Variants in INTS13 observed in about 807,000 individuals in gnomAD.
The protein encoded by INTS13 is integrator complex subunit 13, also known as asunder, spermatogenesis regulator homolog (Drosphila).
INTS13 carries 35 observed loss-of-function variants against 90.2 expected under a neutral mutation model. The ratio of observed to expected loss-of-function variants is 0.39; its 90% CI spans 0.30 to 0.51. INTS13 has a LOEUF of 0.51. INTS13 is among the 20% of genes least tolerant of loss of function. INTS13 has a pLI of 0.80. For synonymous variants in INTS13, 309 were observed against 277.1 expected, an observed-to-expected ratio of 1.11 and a Z score of -1.14; for missense variants, 601 against 851.2, an observed-to-expected ratio of 0.71 and a Z score of 3.66.
At chr12:26,908,077 C>T (rs2137394236) in intron 15 of INTS13, among the ~76,000 whole-genome samples, 1 of 152,236 alleles carries the variant, frequency 6.6e-6, no homozygotes, top group African/African-American at 2.4e-5. Context: ...AAAAGCCAAT[C>T]TCAAAAGGTG....
At chr12:26,909,737 A>C (rs567240523) in intron 15 of INTS13, among the ~76,000 whole-genome samples, 1 of 152,368 alleles carries the variant, frequency 6.6e-6, no homozygotes, top group South Asian at 2.1e-4. Flanking sequence ...AATGCCTGAA[A>C]GGCAAATATA....
At chr12:26,931,522 C>A (rs912879930) in intron 3 of INTS13, among the ~76,000 whole-genome samples, 1 of 152,018 alleles carries the variant, frequency 6.6e-6, no homozygotes, top group Non-Finnish European at 1.5e-5. Flanking sequence ...TGCATAGCAC[C>A]CGTTAACAAA....
At chr12:26,918,120 T>C (rs1301275819) in intron 8 of INTS13, among the ~76,000 whole-genome samples, 4 of 151,728 alleles carry the variant, frequency 2.6e-5, no homozygotes, top group Non-Finnish European at 5.9e-5. Flanking sequence ...AGACTCTGTA[T>C]CAAAAAAATA....
intron 14 of INTS13, among the ~76,000 whole-genome samples, chr12:26,912,915 G>C (rs1484932151): frequency 6.6e-6 from 1 of 151,958 alleles, no homozygotes; most frequent in African/African-American, 2.4e-5. Flanking sequence ...TTTTTAAGTA[G>C]AGACAGGATT....
intron 1 of INTS13, 37 bp from the exon 2 acceptor site, chr12:26,936,851 CA>C (rs1565841254): frequency 3.0e-6 from 4 of 1,332,232 alleles, no homozygotes; most frequent in Non-Finnish European, 3.2e-6. Context: ...AATATTTGTA[CA>C]TAACATCTTA....
intron 8 of INTS13, chr12:26,919,002 G>GA: frequency 5.5e-6 from 2 of 362,160 alleles, no homozygotes; most frequent in Non-Finnish European, 1.1e-5. Context: ...TGTCTCTATG[G>GA]AAAAAATACA....
chr12:26,910,853 T>G (rs1330577335), intron 15 of INTS13, among the ~76,000 whole-genome samples: 1 of 152,066 alleles, frequency 6.6e-6, no homozygotes, highest in East Asian at 1.9e-4. Context: ...TTTTTTTTTC[T>G]GAAACAGAGT....
chr12:26,934,475 TA>T (rs1938358546), intron 3 of INTS13, 80 bp downstream of exon 3: 2 of 1,043,578 alleles, frequency 1.9e-6, no homozygotes, highest in Non-Finnish European at 2.9e-6. Flanking sequence ...TAGAGTGATT[TA>T]AAAAATTAGT....
intron 8 of INTS13, 69 bp downstream of exon 8, chr12:26,922,547 T>A: frequency 8.4e-7 from 1 of 1,185,970 alleles, no homozygotes; most frequent in Non-Finnish European, 1.2e-6. Context: ...TCCCTGAGGA[T>A]GTGGGGGCTA....
At chr12:26,912,828 C>G (rs150914149) in intron 14 of INTS13, among the ~76,000 whole-genome samples, 3,317 of 151,784 alleles carry the variant, frequency 0.022, 118 homozygotes, top group African/African-American at 0.076. Flanking sequence ...CCCAGGTTCA[C>G]GTGATTCTCG....
chr12:26,906,871 G>A (rs985281041), intron 15 of INTS13, among the ~76,000 whole-genome samples: 6 of 152,228 alleles, frequency 3.9e-5, no homozygotes, highest in African/African-American at 1.4e-4. Context: ...GCAGCCACAT[G>A]TGCACAATAT....
intron 13 of INTS13, 64 bp from the exon 14 acceptor site, chr12:26,913,751 T>A: frequency 7.3e-7 from 1 of 1,373,358 alleles, no homozygotes; most frequent in Non-Finnish European, 1.0e-6. Context: ...AGTGGTAAAG[T>A]AAAAACAAAT....
chr12:26,907,889 CTT>C (rs1951655929), intron 15 of INTS13, among the ~76,000 whole-genome samples: 1 of 152,000 alleles, frequency 6.6e-6, no homozygotes, highest in South Asian at 2.1e-4. Flanking sequence ...CACTACATAC[CTT>C]ATAGGATGAA....
Position 26,916,119 on chromosome 12 carries a change from A to G in INTS13, c.1131T>C (p.Leu377=), listed in dbSNP as rs780542914. 1.6e-5 allele frequency: 26 copies of G among 1,613,766 alleles called. No individual in the cohort carries two copies. Among genetic ancestry groups the G allele is most frequent in the Non-Finnish European group, 2.1e-5 (25 of 1,179,930 alleles). Residue 377 remains leucine, a synonymous_variant, in exon 11 of 17, where the codon CTT becomes CTC. Transcript: ENST00000261191. ...KSGSKVISHM[L]SSHGGEIFLH... ...AAAAAATCTCTCCTCCATGGCTACT[A>G]AGCATATGACTAATGACTTTAGAAC...
At chr12:26,928,154 C>T (rs185478381) in intron 5 of INTS13, 51 bp downstream of exon 5, 20 of 1,305,058 alleles carry the variant, frequency 1.5e-5, no homozygotes, top group East Asian at 4.7e-5. Context: ...ATAATTATAA[C>T]ATATATCTAT....
chr12:26,921,440 G>T (rs1952116402), intron 8 of INTS13, among the ~76,000 whole-genome samples: 1 of 152,178 alleles, frequency 6.6e-6, no homozygotes, highest in African/African-American at 2.4e-5. Flanking sequence ...ATCTTTCTCA[G>T]TATTTGTTCT....
At chr12:26,931,564 T>C (rs1210091745) in intron 3 of INTS13, among the ~76,000 whole-genome samples, 3 of 152,234 alleles carry the variant, frequency 2.0e-5, no homozygotes, top group Non-Finnish European at 2.9e-5. Context: ...TCAAATAATG[T>C]ATTCAATTAT....
Position 26,922,614 on chromosome 12 carries a change from A to G in INTS13, c.889+2T>C. 1 of 1,585,062 alleles carries G rather than the reference A, an allele frequency of 6.3e-7. No individual in the cohort carries two copies. The highest frequency in any genetic ancestry group is 1.4e-5 in the African/African-American group (1 of 73,960). On this transcript the variant is annotated splice_donor_variant, in intron 8 of 16. Transcript: ENST00000261191. LOFTEE classifies it high-confidence loss of function. ...AAAATAATACTTTCAAATGTCTCTT[A>G]CCACTTTTCAGGAAATCTACATGTG...
intron 15 of INTS13, among the ~76,000 whole-genome samples, chr12:26,909,436 T>C (rs1951710803): frequency 6.6e-6 from 1 of 151,948 alleles, no homozygotes. Context: ...ATATGGCTTT[T>C]AGGTGCTTGC....
Sources: gnomAD v4.1 joint callset for allele counts (sites outside exome capture counted in the v4.1 genomes callset) on GRCh38, gnomAD v4.1.1 for gene constraint, MANE v1.5 for transcripts, NCBI Gene and HGNC (gene_info 2026-07-23, HGNC 2026-07-21) for gene names.